LARGE1: variants seen among roughly 807,000 people sequenced by gnomAD.
LARGE1 encodes xylosyl- and glucuronyltransferase LARGE1.
Under a neutral mutation model 87.6 loss-of-function variants are expected in LARGE1, and 43 were observed. The ratio of observed to expected loss-of-function variants is 0.49; its 90% CI spans 0.38 to 0.63. The LOEUF (loss-of-function observed/expected upper bound fraction) is 0.63. Ranked by LOEUF, LARGE1 falls within the 30% of genes least tolerant of loss-of-function variation. The pLI is 0.00. For synonymous variants in LARGE1, 434 were observed against 394.6 expected (o/e 1.10, Z -1.18); for missense variants, 802 against 1,000.2 (o/e 0.80, Z 2.67).
chr22:33,503,616 T>C (rs1214499946), intron 6 of LARGE1, among the ~76,000 whole-genome samples: 2 of 151,854 alleles, frequency 1.3e-5, no homozygotes, highest in Admixed American at 6.6e-5. Flanking sequence ...CTGGCCAATA[T>C]GGTGAAACCA....
chr22:33,414,342 A>C (rs2066413004), intron 7 of LARGE1, among the ~76,000 whole-genome samples: 1 of 152,118 alleles, frequency 6.6e-6, no homozygotes, highest in Non-Finnish European at 1.5e-5. Flanking sequence ...TAATAGGTAA[A>C]AGTTTCTGTT....
At chr22:33,776,532 C>T (rs576904561) in intron 1 of LARGE1, among the ~76,000 whole-genome samples, 1 of 152,210 alleles carries the variant, frequency 6.6e-6, no homozygotes, top group Admixed American at 6.5e-5. Flanking sequence ...AATGTTAAAT[C>T]AGCCCTTAAT....
At chr22:33,614,128 TG>T (rs1420852538) in intron 4 of LARGE1, among the ~76,000 whole-genome samples, 1 of 152,170 alleles carries the variant, frequency 6.6e-6, no homozygotes, top group East Asian at 1.9e-4. Context: ...TGTTGAACCT[TG>T]GGAAAGCTTC....
chr22:33,535,460 T>C (rs767564903), intron 6 of LARGE1, among the ~76,000 whole-genome samples: 1 of 151,920 alleles, frequency 6.6e-6, no homozygotes, highest in Admixed American at 6.6e-5. Flanking sequence ...GGAGAATCGC[T>C]TGAACCCGGG....
chr22:33,619,497 G>C (rs2079677322), intron 4 of LARGE1, among the ~76,000 whole-genome samples: 1 of 150,226 alleles, frequency 6.7e-6, no homozygotes, highest in Non-Finnish European at 1.5e-5. Context: ...AGAGTTTGCA[G>C]TGAGCCGAGA....
At chr22:33,562,038 C>T (rs2077878989) in intron 6 of LARGE1, among the ~76,000 whole-genome samples, 1 of 152,236 alleles carries the variant, frequency 6.6e-6, no homozygotes, top group South Asian at 2.1e-4. Flanking sequence ...GTATCAACAT[C>T]ACTCCAACCG....
At chr22:33,356,703 G>A (rs940002546) in intron 9 of LARGE1, among the ~76,000 whole-genome samples, 1 of 152,172 alleles carries the variant, frequency 6.6e-6, no homozygotes, top group East Asian at 1.9e-4. Context: ...CCAGGAGGCA[G>A]AGGTTGCAGT....
intron 11 of LARGE1, among the ~76,000 whole-genome samples, chr22:33,218,679 A>G (rs1227559606): frequency 6.6e-6 from 1 of 152,218 alleles, no homozygotes; most frequent in Non-Finnish European, 1.5e-5. Context: ...TTATTTGCTC[A>G]TATGATCCTT....
At chr22:33,085,591 T>C in the LARGE1 span, among the ~76,000 whole-genome samples, 15 of 152,344 alleles carry the variant, frequency 9.8e-5, no homozygotes, top group African/African-American at 3.6e-4. Context: ...CTAATATCAA[T>C]ACAATGTTCT....
intron 9 of LARGE1, among the ~76,000 whole-genome samples, chr22:33,339,380 G>A (rs16992174): frequency 0.13 from 19,928 of 151,830 alleles, 2,705 homozygotes; most frequent in African/African-American, 0.35. Flanking sequence ...CACAAGGGGC[G>A]GAAAAATGTT....
intron 1 of LARGE1, among the ~76,000 whole-genome samples, chr22:33,916,989 C>T (rs1011070486): frequency 7.9e-5 from 12 of 152,186 alleles, no homozygotes; most frequent in African/African-American, 2.9e-4. Flanking sequence ...TTTTCCTAGA[C>T]CACAACAATA....
chr22:33,683,963 T>C (rs781399376), intron 2 of LARGE1, among the ~76,000 whole-genome samples: 9 of 151,860 alleles, frequency 5.9e-5, no homozygotes, highest in Non-Finnish European at 1.3e-4. Flanking sequence ...TCACCAGTGG[T>C]TGTAGTAATA....
At chr22:33,233,487 T>C (rs1431067109) in intron 11 of LARGE1, among the ~76,000 whole-genome samples, 1 of 152,172 alleles carries the variant, frequency 6.6e-6, no homozygotes, top group Non-Finnish European at 1.5e-5. Context: ...TTACTTGGCC[T>C]CCTTCCTTCC....
intron 13 of LARGE1, among the ~76,000 whole-genome samples, chr22:33,279,497 C>A (rs561348685): frequency 6.6e-6 from 1 of 152,182 alleles, no homozygotes; most frequent in Non-Finnish European, 1.5e-5. Context: ...TGGACTCCCC[C>A]CAAACCCTCA....
intron 1 of LARGE1, among the ~76,000 whole-genome samples, chr22:33,788,427 G>A (rs1382266201): frequency 1.3e-5 from 2 of 152,156 alleles, no homozygotes; most frequent in Non-Finnish European, 2.9e-5. Flanking sequence ...TATCAGAAGT[G>A]GGGTGCTGCA....
At chr22:33,270,004 C>CA (rs56995031), downstream of LARGE1, among the ~76,000 whole-genome samples, 10,188 of 86,474 alleles carry the variant, frequency 0.12, 989 homozygotes, top group African/African-American at 0.28. Context: ...GACTCTGTCT[C>CA]AAAAAAAAAA....
the LARGE1 span, among the ~76,000 whole-genome samples, chr22:33,151,332 G>C: frequency 1.3e-5 from 2 of 152,096 alleles, no homozygotes; most frequent in Admixed American, 6.5e-5. Flanking sequence ...AACTCACTGA[G>C]TACTAAGAGT....
chr22:33,356,910 A>G (rs1259084728), intron 9 of LARGE1, among the ~76,000 whole-genome samples: 1 of 152,190 alleles, frequency 6.6e-6, no homozygotes, highest in Non-Finnish European at 1.5e-5. Flanking sequence ...ATGCTTATAC[A>G]CTGTTGGTGG....
At position 33,316,164 on chromosome 22, in the gene LARGE1, G is replaced by A; in HGVS notation, c.1372C>T (p.Leu458=). 6.2e-7 allele frequency: 1 copy of A among 1,614,164 alleles called. No homozygotes were observed. The highest frequency in any genetic ancestry group is 8.5e-7 in the Non-Finnish European group (1 of 1,180,026). The change falls in exon 11 of 15, where the codon CTG becomes TTG. Residue 458 remains leucine (L), a synonymous_variant. Coordinates refer to ENST00000397394, the MANE Select transcript of LARGE1 (RefSeq NM_133642.5). ...TCATACTCGTAGTGCAGGAAGTACA[G>A]GTGGGTGCGGTGGACAGTGAAGCGC... ...RERFTVHRTH[L]YFLHYEYEPA... is the part of the protein sequence containing the mutation.
Sources: gnomAD v4.1 joint callset for allele counts (sites outside exome capture counted in the v4.1 genomes callset) on GRCh38, gnomAD v4.1.1 for gene constraint, MANE v1.5 for transcripts, NCBI Gene and HGNC (gene_info 2026-07-23, HGNC 2026-07-21) for gene names.